NKAIN2: variants seen among roughly 807,000 people sequenced by gnomAD.
NKAIN2 encodes the protein sodium/potassium-transporting ATPase subunit beta-1-interacting protein 2.
NKAIN2 carries 14 observed loss-of-function variants against 32.6 expected under a neutral mutation model. That is an observed-to-expected ratio of 0.43 (90% CI 0.28 to 0.67). The LOEUF (loss-of-function observed/expected upper bound fraction) is 0.67, where lower values mean the gene tolerates loss of function less well. Ranked by LOEUF, NKAIN2 falls within the 30% of genes least tolerant of loss-of-function variation. The pLI is 0.17. For synonymous variants in NKAIN2, 80 were observed against 87.2 expected, an observed-to-expected ratio of 0.92 and a Z score of 0.46; for missense variants, 198 against 258.3, an observed-to-expected ratio of 0.77 and a Z score of 1.60.
intron 1 of NKAIN2, among the ~76,000 whole-genome samples, chr6:123,877,097 G>A (rs934019409): frequency 6.6e-5 from 10 of 152,038 alleles, no homozygotes; most frequent in African/African-American, 2.2e-4. Context: ...AATTAGAAAT[G>A]TGTTTTTCTT....
At position 123,933,084 on chromosome 6, in the gene NKAIN2, G is replaced by T. The variant is rs548644741; in HGVS notation, c.54+128830G>T. 2.6e-5 allele frequency among the ~76,000 whole-genome samples: 4 copies of T among 152,246 alleles called. No individual in the cohort carries two copies. The East Asian group carries it at 7.7e-4, about 29-fold the overall frequency. On this transcript the variant is annotated intron_variant, in intron 1 of 6. Coordinates refer to ENST00000368417, the MANE Select transcript of NKAIN2 (RefSeq NM_001040214.3). ...CTGATCATCGCAATTATCTGTCAGG[G>T]CCAGCTGCATAATTTGCAGGGCCCA...
chr6:124,065,213 TACACAC>T (rs144681461), intron 1 of NKAIN2, among the ~76,000 whole-genome samples: 4 of 147,912 alleles, frequency 2.7e-5, no homozygotes, highest in Non-Finnish European at 4.5e-5. Context: ...ATCAGAAAAT[TACACAC>T]ACACACACAC....
intron 2 of NKAIN2, among the ~76,000 whole-genome samples, chr6:124,291,217 C>T (rs756531640): frequency 4.6e-5 from 7 of 152,066 alleles, no homozygotes; most frequent in Non-Finnish European, 8.8e-5. Context: ...ATCTAAGAAG[C>T]AGTGTTACTG....
chr6:124,735,650 T>G (rs1776896987), intron 4 of NKAIN2, among the ~76,000 whole-genome samples: 1 of 151,864 alleles, frequency 6.6e-6, no homozygotes, highest in South Asian at 2.1e-4. Flanking sequence ...TCACTTCATG[T>G]CTCTGTGTCA....
In NKAIN2 at chr6:124,085,465, G is replaced by A. The variant is rs531208097; in HGVS notation, c.55-197540G>A. Reference sequence around the variant, plus strand: ...AAAGTTGGAGGATAGGTAGGCAGTGGCCCTTTGTGTTTGTCAAAGTTAGAC... The same window carrying A: ...AAAGTTGGAGGATAGGTAGGCAGTGACCCTTTGTGTTTGTCAAAGTTAGAC... On this transcript the variant is annotated intron_variant, in intron 1 of 6. Transcript: ENST00000368417. Among the ~76,000 whole-genome samples, 19 of 151,638 alleles carry A rather than the reference G, an allele frequency of 1.3e-4. 2 individuals carry two copies. The South Asian group carries it at 4.0e-3, about 32-fold the overall frequency.
At chr6:124,439,960 A>C (rs1003640741) in intron 3 of NKAIN2, among the ~76,000 whole-genome samples, 5 of 152,028 alleles carry the variant, frequency 3.3e-5, no homozygotes, top group Non-Finnish European at 7.4e-5. Context: ...CAGGATTAAC[A>C]CCTGAGGGTG....
intron 3 of NKAIN2, among the ~76,000 whole-genome samples, chr6:124,470,368 G>A (rs1484787078): frequency 6.6e-6 from 1 of 152,096 alleles, no homozygotes; most frequent in African/African-American, 2.4e-5. Context: ...TCTGCCTTTT[G>A]AAAGGAACAG....
chr6:124,695,705 T>G (rs1774464176), intron 4 of NKAIN2, among the ~76,000 whole-genome samples: 1 of 151,958 alleles, frequency 6.6e-6, no homozygotes, highest in Non-Finnish European at 1.5e-5. Context: ...TTACCTTAAG[T>G]GAAAAAGGAA....
chr6:124,784,842 T>C (rs6924991), intron 4 of NKAIN2, among the ~76,000 whole-genome samples: 26,968 of 151,998 alleles, frequency 0.18, 3,112 homozygotes, highest in African/African-American at 0.32. Context: ...TCCATAAATG[T>C]TTCCCTGTTT....
At chr6:124,241,986 G>A (rs1214927249) in intron 1 of NKAIN2, among the ~76,000 whole-genome samples, 1 of 151,976 alleles carries the variant, frequency 6.6e-6, no homozygotes. Context: ...CAGGACATAG[G>A]CATGGGCAAA....
chr6:124,736,382 G>T (rs1297251112), intron 4 of NKAIN2, among the ~76,000 whole-genome samples: 1 of 151,918 alleles, frequency 6.6e-6, no homozygotes, highest in African/African-American at 2.4e-5. Flanking sequence ...TGATCCAGAA[G>T]ATCTAGCTAA....
At chr6:124,176,334 A>G (rs967390644) in intron 1 of NKAIN2, among the ~76,000 whole-genome samples, 3 of 152,132 alleles carry the variant, frequency 2.0e-5, no homozygotes, top group Admixed American at 1.3e-4. Context: ...GTATGCCCAT[A>G]GTTTGGTTCC....
At chr6:124,408,833 G>A (rs1774001259) in intron 3 of NKAIN2, among the ~76,000 whole-genome samples, 1 of 152,168 alleles carries the variant, frequency 6.6e-6, no homozygotes, top group South Asian at 2.1e-4. Context: ...CCATGAGCAT[G>A]GAATGTTCCT....
At chr6:124,146,442 A>G (rs1018375429) in intron 1 of NKAIN2, among the ~76,000 whole-genome samples, 3 of 152,224 alleles carry the variant, frequency 2.0e-5, no homozygotes, top group Admixed American at 6.5e-5. Context: ...ATTGGAATTC[A>G]TGTACCATTG....
At chr6:124,733,288 A>C (rs1349666718) in intron 4 of NKAIN2, among the ~76,000 whole-genome samples, 1 of 151,938 alleles carries the variant, frequency 6.6e-6, no homozygotes, top group Non-Finnish European at 1.5e-5. Context: ...TTACAGTATA[A>C]AGAGTAAGCC....
chr6:124,515,391 C>G (rs892553504), intron 3 of NKAIN2, among the ~76,000 whole-genome samples: 1 of 151,974 alleles, frequency 6.6e-6, no homozygotes, highest in Admixed American at 6.6e-5. Flanking sequence ...TTTAAAAGAG[C>G]CTAGCACCTC....
At chr6:124,822,679 T>G (rs1178483968) in intron 6 of NKAIN2, among the ~76,000 whole-genome samples, 1 of 152,172 alleles carries the variant, frequency 6.6e-6, no homozygotes, top group African/African-American at 2.4e-5. Flanking sequence ...ATATTTTTCT[T>G]AAAGTTTGGT....
chr6:123,830,411 C>T (rs532070887), intron 1 of NKAIN2, among the ~76,000 whole-genome samples: 4 of 152,158 alleles, frequency 2.6e-5, no homozygotes, highest in Admixed American at 2.6e-4. Flanking sequence ...GGCCTAACCC[C>T]TTCCCTGTCT....
In NKAIN2 at chr6:124,766,264, G is replaced by A. The variant is rs1022976948; in HGVS notation, c.475-25075G>A. 2.8e-4 allele frequency among the ~76,000 whole-genome samples: 43 copies of A among 152,246 alleles called. 1 individual carries two copies. The highest frequency in any genetic ancestry group is 9.9e-4 in the African/African-American group (41 of 41,540). ...AGACCCTCGTTTAAAGTGCCTCTTA[G>A]GACTTTTGAGACTGTCGAGATGAAT... On this transcript the variant is annotated intron_variant, in intron 4 of 6. Coordinates refer to ENST00000368417, the MANE Select transcript of NKAIN2 (RefSeq NM_001040214.3).
Sources: gnomAD v4.1 joint callset for allele counts (sites outside exome capture counted in the v4.1 genomes callset) on GRCh38, gnomAD v4.1.1 for gene constraint, MANE v1.5 for transcripts, NCBI Gene and HGNC (gene_info 2026-07-23, HGNC 2026-07-21) for gene names.